Variants in TAF2 observed in about 807,000 individuals in gnomAD.
TAF2 encodes the protein TATA-box binding protein associated factor 2.
In TAF2, 61 loss-of-function variants were observed where a neutral mutation model predicts 138.5. That is an observed-to-expected ratio of 0.44 (90% CI 0.36 to 0.54). The LOEUF is 0.54. Ranked by LOEUF, TAF2 falls within the 20% of genes least tolerant of loss-of-function variation. The pLI, the probability that TAF2 is intolerant of heterozygous loss-of-function variation, is 0.00. For missense variants in TAF2, 1,090 were observed against 1,427.9 expected, an observed-to-expected ratio of 0.76 and a Z score of 3.81; for synonymous variants, 475 against 469.9, an observed-to-expected ratio of 1.01 and a Z score of -0.14.
At chr8:119,827,702 C>T (rs1826189062) in intron 2 of TAF2, among the ~76,000 whole-genome samples, 1 of 151,298 alleles carries the variant, frequency 6.6e-6, no homozygotes, top group Admixed American at 6.6e-5. Flanking sequence ...AGTGACTACT[C>T]TCACTATTAC....
At chr8:119,771,120 C>A (rs1454162440) in intron 18 of TAF2, among the ~76,000 whole-genome samples, 1 of 152,118 alleles carries the variant, frequency 6.6e-6, no homozygotes, top group Non-Finnish European at 1.5e-5. Context: ...CAAGACACTA[C>A]CATCTATTGC....
At chr8:119,761,225 T>C (rs1821042307) in intron 19 of TAF2, among the ~76,000 whole-genome samples, 1 of 152,186 alleles carries the variant, frequency 6.6e-6, no homozygotes, top group Non-Finnish European at 1.5e-5. Flanking sequence ...TATAAGTACT[T>C]ACCATTGTGT....
At chr8:119,766,602 C>G (rs1364529187) in intron 18 of TAF2, among the ~76,000 whole-genome samples, 1 of 151,990 alleles carries the variant, frequency 6.6e-6, no homozygotes, top group African/African-American at 2.4e-5. Flanking sequence ...CAAGCCTGGC[C>G]AAAACAGTGA....
At chr8:119,778,264 C>T (rs1822397313) in intron 17 of TAF2, 135 bp from the exon 18 acceptor site, 5 of 583,062 alleles carry the variant, frequency 8.6e-6, no homozygotes, top group Non-Finnish European at 1.5e-5. Flanking sequence ...ACCTCCACAC[C>T]CCAACCCCTC....
At chr8:119,760,887 C>G (rs1586348810) in intron 19 of TAF2, 149 bp from the exon 20 acceptor site, 1 of 978,744 alleles carries the variant, frequency 1.0e-6, no homozygotes, top group Non-Finnish European at 1.6e-6. Flanking sequence ...AGTCACAAGC[C>G]ATATAAAAGA....
chr8:119,776,404 C>T (rs1209848533), intron 18 of TAF2, among the ~76,000 whole-genome samples: 5 of 147,806 alleles, frequency 3.4e-5, no homozygotes, highest in Non-Finnish European at 4.4e-5. Context: ...TCAATTTGGC[C>T]GGGCACGGTG....
At chr8:119,740,570 T>G (rs1586285084) in intron 25 of TAF2, among the ~76,000 whole-genome samples, 1 of 137,682 alleles carries the variant, frequency 7.3e-6, no homozygotes, top group South Asian at 2.3e-4. Flanking sequence ...GAAGCTGAGG[T>G]ACGAGAATCA....
chr8:119,765,219 G>A (rs949082164), intron 18 of TAF2, among the ~76,000 whole-genome samples: 3 of 152,140 alleles, frequency 2.0e-5, no homozygotes, highest in South Asian at 4.1e-4. Flanking sequence ...TAGGCATCTA[G>A]TACTTGTCAA....
intron 2 of TAF2, among the ~76,000 whole-genome samples, chr8:119,827,624 C>T (rs537269780): frequency 6.6e-6 from 1 of 152,272 alleles, no homozygotes; most frequent in Admixed American, 6.5e-5. Flanking sequence ...CAGGATGCTG[C>T]CTTTAATTAG....
intron 22 of TAF2, among the ~76,000 whole-genome samples, chr8:119,753,318 A>T (rs1347045801): frequency 6.6e-6 from 1 of 152,084 alleles, no homozygotes; most frequent in Non-Finnish European, 1.5e-5. Context: ...TTGCCATTAA[A>T]TTTTTTTAAA....
At chr8:119,792,554 A>G (rs926643382) in intron 10 of TAF2, among the ~76,000 whole-genome samples, 1 of 152,074 alleles carries the variant, frequency 6.6e-6, no homozygotes, top group African/African-American at 2.4e-5. Flanking sequence ...CATCAGAAAC[A>G]CTGTATCAAA....
In TAF2 at chr8:119,816,502, C is replaced by T. The variant is rs549565445; in HGVS notation, c.299+2844G>A. ...ATCAATGGTAAAATCAAATTTACCA[C>T]GGAATTTGATGTTTCACTTTTAATT... is the stretch of plus-strand genomic sequence containing the variant. On this transcript the variant is annotated intron_variant, in intron 3 of 25. Transcript: ENST00000378164. 3.3e-4 allele frequency among the ~76,000 whole-genome samples: 50 copies of T among 152,222 alleles called. No individual in the cohort carries two copies. In the East Asian group the frequency reaches 3.7e-3, roughly 11 times the overall value.
intron 18 of TAF2, among the ~76,000 whole-genome samples, chr8:119,765,081 T>C (rs1821328088): frequency 6.6e-6 from 1 of 152,226 alleles, no homozygotes; most frequent in South Asian, 2.1e-4. Flanking sequence ...TTTGCTATTA[T>C]ACAATGTAAT....
At chr8:119,748,662 G>A (rs1820142739) in intron 22 of TAF2, among the ~76,000 whole-genome samples, 1 of 152,126 alleles carries the variant, frequency 6.6e-6, no homozygotes. Context: ...TCAATAGCTT[G>A]AGGTAGTATT....
intron 24 of TAF2, 97 bp downstream of exon 24, chr8:119,744,191 G>A (rs115078048): frequency 1.9e-4 from 223 of 1,148,400 alleles, no homozygotes; most frequent in Non-Finnish European, 2.6e-4. Context: ...ATTTTAAACT[G>A]TATAGTTGTT....
At chr8:119,814,966 G>A (rs182528552) in intron 3 of TAF2, among the ~76,000 whole-genome samples, 150 of 150,920 alleles carry the variant, frequency 9.9e-4, no homozygotes, top group African/African-American at 3.5e-3. Flanking sequence ...GCCTGGCCAG[G>A]TGCAGTGGCT....
At chr8:119,819,167 T>C (rs1825671152) in intron 3 of TAF2, among the ~76,000 whole-genome samples, 179 bp downstream of exon 3, 1 of 152,126 alleles carries the variant, frequency 6.6e-6, no homozygotes, top group African/African-American at 2.4e-5. Flanking sequence ...GTAACTACGT[T>C]GGGCACAGCT....
chr8:119,815,424 G>A (rs1825391806), intron 3 of TAF2, among the ~76,000 whole-genome samples: 2 of 151,388 alleles, frequency 1.3e-5, no homozygotes, highest in Admixed American at 6.6e-5. Flanking sequence ...ACAGGCGCCT[G>A]CCACCACACC....
chr8:119,798,407 C>T, intron 6 of TAF2, among the ~76,000 whole-genome samples: 1 of 152,146 alleles, frequency 6.6e-6, no homozygotes. Context: ...GGTTACATCT[C>T]ACTTTGGTCA....
Sources: allele counts gnomAD v4.1 joint callset (sites outside exome capture counted in the v4.1 genomes callset), GRCh38; gene constraint gnomAD v4.1.1; transcripts MANE v1.5; gene names NCBI Gene and HGNC (gene_info 2026-07-23, HGNC 2026-07-21).